The following NUP58 variants were observed in gnomAD, a reference collection of about 807,000 sequenced individuals.
NUP58 encodes nucleoporin p58/p45.
NUP58 carries 17 observed loss-of-function variants against 70.1 expected under a neutral mutation model. The observed-to-expected ratio is 0.24, with a 90% confidence interval of 0.17 to 0.36. The LOEUF (loss-of-function observed/expected upper bound fraction) is 0.36, where lower values mean the gene tolerates loss of function less well. Ranked by LOEUF, NUP58 falls within the 10% of genes least tolerant of loss-of-function variation. NUP58 has a pLI of 1.00. For missense variants in NUP58, 644 were observed against 701.5 expected, an observed-to-expected ratio of 0.92 and a Z score of 0.93; for synonymous variants, 275 against 257.6, an observed-to-expected ratio of 1.07 and a Z score of -0.65.
chr13:25,340,038 T>C lies in NUP58; in HGVS notation c.1704T>C (p.Phe568=), dbSNP rs762929827. 2 of 1,614,030 alleles carry C rather than the reference T, an allele frequency of 1.2e-6. No homozygotes were observed. The highest frequency in any genetic ancestry group is 1.7e-6 in the Non-Finnish European group (2 of 1,179,970). Residue 568 remains phenylalanine (F), a synonymous_variant, in exon 16 of 16, where the codon TTT becomes TTC. Transcript: ENST00000381736. Reference sequence around the variant, plus strand: ...TCACGGCATCAGCTGGTTTGACTTTTGGGGTGTCCAATCCTGCCTCTGCAG... The same window carrying C: ...TCACGGCATCAGCTGGTTTGACTTTCGGGGTGTCCAATCCTGCCTCTGCAG... ...PGITASAGLT[F]GVSNPASAGF... is the part of the protein sequence containing the mutation.
At chr13:25,334,564 T>A (rs1295848951) in intron 13 of NUP58, 1 of 985,134 alleles carries the variant, frequency 1.0e-6, no homozygotes, top group African/African-American at 1.7e-5. Flanking sequence ...CCCCATTAAA[T>A]CAGTAAGAGT....
At position 25,327,709 on chromosome 13, in the gene NUP58, G is replaced by A. The variant is rs77030809; in HGVS notation, c.1233+197G>A. The stretch of plus-strand genomic sequence containing the variant: ...GTTCTTTTAAAAAAGATCCAAGTAC[G>A]CTGTAGTCTGTTATTATAACTTTTT... On this transcript the variant is annotated intron_variant, in intron 12 of 15. Coordinates refer to ENST00000381736, the MANE Select transcript of NUP58 (RefSeq NM_014089.4). Among the ~76,000 whole-genome samples the A allele has an allele frequency of 6.0e-3, 917 of 152,178 alleles. 14 individuals are homozygous for A. The highest frequency in any genetic ancestry group is 0.021 in the African/African-American group (872 of 41,526).
chr13:25,317,459 C>G (rs971974670), intron 6 of NUP58, among the ~76,000 whole-genome samples: 2 of 152,152 alleles, frequency 1.3e-5, no homozygotes, highest in Admixed American at 6.5e-5. Flanking sequence ...ACGTGTATTA[C>G]TGAGGCAAAG....
At chr13:25,306,773 C>T (rs1001509150) in intron 1 of NUP58, among the ~76,000 whole-genome samples, 1 of 152,104 alleles carries the variant, frequency 6.6e-6, no homozygotes, top group Non-Finnish European at 1.5e-5. Context: ...AAATCTGAAC[C>T]CCTGAGTCTT....
At chr13:25,327,194 T>C (rs1364902138) in intron 11 of NUP58, among the ~76,000 whole-genome samples, 160 bp downstream of exon 11, 1 of 152,186 alleles carries the variant, frequency 6.6e-6, no homozygotes, top group Non-Finnish European at 1.5e-5. Flanking sequence ...TAATATGCTT[T>C]ATTATATGAA....
At chr13:25,314,576 T>C (rs574658356) in intron 5 of NUP58, among the ~76,000 whole-genome samples, 1 of 152,078 alleles carries the variant, frequency 6.6e-6, no homozygotes, top group Non-Finnish European at 1.5e-5. Flanking sequence ...ATGCCTGTAA[T>C]CCAAGCTGTT....
intron 3 of NUP58, among the ~76,000 whole-genome samples, chr13:25,348,138 TATTTAA>T (rs1359215888): frequency 6.6e-6 from 1 of 152,212 alleles, no homozygotes; most frequent in Admixed American, 6.5e-5. Context: ...AATTTTTATC[TATTTAA>T]ATTTAAAAAC....
chr13:25,332,121 T>C (rs971537444), intron 13 of NUP58: 4 of 990,460 alleles, frequency 4.0e-6, no homozygotes, highest in African/African-American at 3.5e-5. Context: ...TTGAAGATGA[T>C]ACATGCTAGA....
chr13:25,315,427 C>T lies in NUP58; in HGVS notation c.645C>T (p.Gly215=). 2.5e-6 allele frequency: 4 copies of T among 1,613,642 alleles called. No homozygotes were observed. Among genetic ancestry groups the T allele is most frequent in the Non-Finnish European group, 3.4e-6 (4 of 1,179,672 alleles). ...TAATSTAGNE[G]LGGIDFSSSS... ...CTACTTCAACTGCAGGCAATGAAGG[C>T]CTTGGTGGTATAGATTTCAGTAGCT... The change falls in exon 6 of 16, where the codon GGC becomes GGT. Residue 215 remains glycine (G), a synonymous_variant. Coordinates refer to ENST00000381736, the MANE Select transcript of NUP58 (RefSeq NM_014089.4).
chr13:25,327,536 C>T (rs2031443577), intron 12 of NUP58, 24 bp downstream of exon 12: 1 of 1,501,792 alleles, frequency 6.7e-7, no homozygotes, highest in African/African-American at 1.4e-5. Context: ...ACCCATTTAT[C>T]TACCTGGATA....
intron 14 of NUP58, 58 bp downstream of exon 14, chr13:25,337,092 G>A (rs1388631527): frequency 6.8e-6 from 8 of 1,176,034 alleles, no homozygotes; most frequent in South Asian, 3.4e-5. Flanking sequence ...ATTGATACTA[G>A]CCTGTAAAAA....
rs923311392 is a variant in NUP58 at position 25,307,742 on chromosome 13, T to C, written c.108-64T>C. 8 of 1,477,948 alleles carry C rather than the reference T, an allele frequency of 5.4e-6. No individual in the cohort carries two copies. In the African/African-American group the frequency reaches 5.6e-5, roughly 10 times the overall value. The allele number at this position is 1,477,948 out of a possible 1,614,324, so 91.6% of individuals were successfully genotyped here. On this transcript the variant is annotated intron_variant, in intron 1 of 15. Transcript: ENST00000381736. ...AATTTTTATTTTTCTTAAGTAAATA[T>C]TGGCTCTAGTAGACCTCCTTTTGTG...
At chr13:25,326,066 A>G (rs1317423454) in intron 10 of NUP58, among the ~76,000 whole-genome samples, 2 of 152,178 alleles carry the variant, frequency 1.3e-5, no homozygotes, top group South Asian at 2.1e-4. Context: ...AATGTTCACT[A>G]TGCTAAAGTA....
intron 6 of NUP58, among the ~76,000 whole-genome samples, chr13:25,316,919 A>G (rs1163728127): frequency 6.6e-6 from 1 of 152,240 alleles, no homozygotes; most frequent in Non-Finnish European, 1.5e-5. Flanking sequence ...TAAATTTTAT[A>G]AATATTTATG....
chr13:25,323,078 G>T (rs1335049626), intron 9 of NUP58, among the ~76,000 whole-genome samples: 1 of 152,108 alleles, frequency 6.6e-6, no homozygotes, highest in African/African-American at 2.4e-5. Context: ...CATATAATGG[G>T]CACATTAATA....
chr13:25,316,810 G>T (rs868271858), intron 6 of NUP58, among the ~76,000 whole-genome samples: 3 of 152,100 alleles, frequency 2.0e-5, no homozygotes, highest in South Asian at 2.1e-4. Flanking sequence ...CCCCTCCTCT[G>T]CCCCTCCCCA....
chr13:25,323,405 G>C (rs559813006), intron 9 of NUP58, among the ~76,000 whole-genome samples: 2 of 151,478 alleles, frequency 1.3e-5, no homozygotes, highest in Admixed American at 6.6e-5. Flanking sequence ...TTTATTTCAT[G>C]CTCACCAGGT....
In NUP58 at chr13:25,338,562, C is replaced by T. The variant is rs556129010; in HGVS notation, c.1535-74C>T. On this transcript the variant is annotated intron_variant, in intron 14 of 15. Transcript: ENST00000381736. Reference sequence around the variant, plus strand: ...TATCTGTTAGACCTCTGATGATTTTCGGTTGTACTTGTCCATATCCTTTAA... The same window carrying T: ...TATCTGTTAGACCTCTGATGATTTTTGGTTGTACTTGTCCATATCCTTTAA... 1.9e-4 allele frequency: 197 copies of T among 1,047,174 alleles called. 2 individuals carry two copies. In the African/African-American group the frequency reaches 2.2e-3, roughly 12 times the overall value. 64.9% of individuals were successfully genotyped at this position (1,047,174 alleles called of 1,614,324 possible).
At chr13:25,301,966 T>G in intron 1 of NUP58, 86 bp downstream of exon 1, 2 of 844,036 alleles carry the variant, frequency 2.4e-6, no homozygotes, top group Non-Finnish European at 3.7e-6. Context: ...ATCCTGTCTC[T>G]TCCCTCTGGC....
Sources: gnomAD v4.1 joint callset for allele counts (sites outside exome capture counted in the v4.1 genomes callset) on GRCh38, gnomAD v4.1.1 for gene constraint, MANE v1.5 for transcripts, NCBI Gene and HGNC (gene_info 2026-07-23, HGNC 2026-07-21) for gene names.